RGS7: variants seen among roughly 807,000 people sequenced by gnomAD.
RGS7 encodes regulator of G protein signaling 7.
In RGS7, 27 loss-of-function variants were observed where a neutral mutation model predicts 81.1. That is an observed-to-expected ratio of 0.33 (90% CI 0.25 to 0.46). The LOEUF (loss-of-function observed/expected upper bound fraction) is 0.46. Among genes scored for constraint, RGS7 ranks in the 20% least tolerant of loss-of-function variants. RGS7 has a pLI of 1.00. For synonymous variants in RGS7, 208 were observed against 207.7 expected (o/e 1.00, Z -0.01); for missense variants, 396 against 607.4 (o/e 0.65, Z 3.66).
chr1:241,125,236 T>G (rs1266347167), intron 2 of RGS7, among the ~76,000 whole-genome samples: 1 of 152,164 alleles, frequency 6.6e-6, no homozygotes, highest in Non-Finnish European at 1.5e-5. Context: ...GAGTCCAAAC[T>G]CAGTTCTTCC....
intron 2 of RGS7, among the ~76,000 whole-genome samples, chr1:241,108,778 C>CA (rs2065306885): frequency 6.6e-6 from 1 of 152,120 alleles, no homozygotes; most frequent in African/African-American, 2.4e-5. Context: ...TCAATTGCTT[C>CA]ATCTTCGGCG....
chr1:241,302,677 G>C (rs941286963), intron 2 of RGS7, among the ~76,000 whole-genome samples: 5 of 152,166 alleles, frequency 3.3e-5, no homozygotes, highest in Non-Finnish European at 5.9e-5. Context: ...CATGAGCAAA[G>C]TAGAGAAAAA....
chr1:240,786,645 G>A (rs1475030100), intron 18 of RGS7, among the ~76,000 whole-genome samples: 1 of 152,066 alleles, frequency 6.6e-6, no homozygotes, highest in African/African-American at 2.4e-5. Flanking sequence ...TGTATGTGTC[G>A]ATCAAATGTG....
intron 3 of RGS7, among the ~76,000 whole-genome samples, chr1:240,992,195 C>T (rs1160850305): frequency 6.6e-6 from 1 of 152,174 alleles, no homozygotes; most frequent in African/African-American, 2.4e-5. Context: ...AATGAATGCA[C>T]TTATGCATAG....
intron 6 of RGS7, among the ~76,000 whole-genome samples, chr1:240,901,201 C>T (rs1468412285): frequency 6.6e-6 from 1 of 152,144 alleles, no homozygotes; most frequent in Non-Finnish European, 1.5e-5. Context: ...TCACAGCTTC[C>T]CTTGGCTAGG....
chr1:240,862,738 G>C (rs1254453902), intron 9 of RGS7, among the ~76,000 whole-genome samples: 3 of 152,126 alleles, frequency 2.0e-5, no homozygotes, highest in Non-Finnish European at 4.4e-5. Context: ...AAGTCTTTCA[G>C]TTAGATCGTG....
intron 2 of RGS7, among the ~76,000 whole-genome samples, chr1:241,246,155 T>A (rs1388682736): frequency 6.6e-6 from 1 of 151,820 alleles, no homozygotes; most frequent in Non-Finnish European, 1.5e-5. Context: ...GATGATGGGG[T>A]GTGGATGAAG....
At chr1:241,212,566 G>A (rs2074306600) in intron 2 of RGS7, among the ~76,000 whole-genome samples, 1 of 152,198 alleles carries the variant, frequency 6.6e-6, no homozygotes, top group African/African-American at 2.4e-5. Context: ...ACAGGAGGAA[G>A]CTCCTAGCTG....
chr1:240,868,048 A>G lies in RGS7; in HGVS notation c.609+539T>C, dbSNP rs1416781769. Reference sequence around the variant, plus strand: ...GAAAAGAAAAGAAGAGAAAAGAAAGAAAGAAAGAAAGAAAAGAAGAGAAAA... The same window carrying G: ...GAAAAGAAAAGAAGAGAAAAGAAAGGAAGAAAGAAAGAAAAGAAGAGAAAA... On this transcript the variant is annotated intron_variant, in intron 9 of 18. Transcript: ENST00000440928. This position sits in a 1 kb window ranked among gnomAD's most constrained non-coding sequence, Gnocchi z 5.1. Among the ~76,000 whole-genome samples the G allele has an allele frequency of 6.6e-6, 1 of 151,396 alleles. No individual in the cohort carries two copies. The highest frequency in any genetic ancestry group is 6.6e-5 in the Admixed American group (1 of 15,130).
At chr1:241,270,473 CTACT>C (rs1165145672) in intron 2 of RGS7, among the ~76,000 whole-genome samples, 1 of 152,204 alleles carries the variant, frequency 6.6e-6, no homozygotes, top group East Asian at 1.9e-4. Flanking sequence ...TATCTTAAAT[CTACT>C]TACTTAAACT....
intron 2 of RGS7, among the ~76,000 whole-genome samples, chr1:241,272,330 C>T (rs1329625409): frequency 6.6e-6 from 1 of 152,104 alleles, no homozygotes; most frequent in Non-Finnish European, 1.5e-5. Flanking sequence ...TACCCAAGGT[C>T]ACATATGATC....
chr1:240,904,551 C>A lies in RGS7; in HGVS notation c.385+26166G>T, dbSNP rs147305701. Among the ~76,000 whole-genome samples, 1,354 of 152,300 alleles carry A rather than the reference C, an allele frequency of 8.9e-3. 23 individuals carry two copies. Among genetic ancestry groups the A allele is most frequent in the African/African-American group, 0.031 (1,290 of 41,562 alleles). ...ATTCTCTCTCTCTTCCTTCCTCTGT[C>A]TCTCTCAAATTGCCCAGAGGGATTA... is the stretch of plus-strand genomic sequence containing the variant. On this transcript the variant is annotated intron_variant, in intron 6 of 18. Transcript: ENST00000440928.
chr1:240,899,126 C>A (rs903874951), intron 6 of RGS7, among the ~76,000 whole-genome samples: 40 of 151,246 alleles, frequency 2.6e-4, no homozygotes, highest in Non-Finnish European at 3.2e-4. Flanking sequence ...TTTTGTTTTC[C>A]ATTTGCTTGG....
rs76904785 is a variant in RGS7 at position 241,135,725 on chromosome 1, C to T, written c.79-36963G>A. Among the ~76,000 whole-genome samples, 472 of 152,078 alleles carry T rather than the reference C, an allele frequency of 3.1e-3. 12 individuals are homozygous for T. In the East Asian group the frequency reaches 0.06, roughly 19 times the overall value. On this transcript the variant is annotated intron_variant, in intron 2 of 18. Transcript: ENST00000440928. Reference sequence around the variant, plus strand: ...TGATCTGAGTGGGAACTCCTTCTCCCACGTGGTGTGGCCGGCCTCGTGTCT... The same window carrying T: ...TGATCTGAGTGGGAACTCCTTCTCCTACGTGGTGTGGCCGGCCTCGTGTCT...
At chr1:241,080,575 C>A (rs1411014965) in intron 3 of RGS7, among the ~76,000 whole-genome samples, 1 of 152,136 alleles carries the variant, frequency 6.6e-6, no homozygotes, top group Admixed American at 6.5e-5. Context: ...CTATAATAAT[C>A]TTTTCAGTTT....
chr1:240,896,274 G>GCT (rs1669076759), intron 6 of RGS7, among the ~76,000 whole-genome samples: 1 of 152,154 alleles, frequency 6.6e-6, no homozygotes, highest in African/African-American at 2.4e-5. Context: ...CTGTGCAGAA[G>GCT]CTCTTTAGTT....
chr1:240,809,749 G>A (rs1036192849), intron 14 of RGS7, among the ~76,000 whole-genome samples: 2 of 152,076 alleles, frequency 1.3e-5, no homozygotes, highest in African/African-American at 4.8e-5. Context: ...ATATTCTGGT[G>A]TCTTGTAGGT....
intron 2 of RGS7, among the ~76,000 whole-genome samples, chr1:241,211,405 T>G (rs10442673): frequency 0.46 from 69,602 of 152,066 alleles, 18,436 homozygotes; most frequent in East Asian, 0.6. Context: ...AACTTCATTG[T>G]GAGGCTTAGA....
intron 2 of RGS7, among the ~76,000 whole-genome samples, chr1:241,179,126 A>T (rs2071394520): frequency 6.6e-6 from 1 of 152,092 alleles, no homozygotes; most frequent in East Asian, 1.9e-4. Context: ...ACAGAGTCTC[A>T]CTCTGTGGCC....
Sources: allele counts gnomAD v4.1 joint callset (sites outside exome capture counted in the v4.1 genomes callset), GRCh38; gene constraint gnomAD v4.1.1; non-coding constraint Gnocchi (gnomAD v3.1); transcripts MANE v1.5; gene names NCBI Gene and HGNC (gene_info 2026-07-23, HGNC 2026-07-21).